Variants in KLF13 observed in about 807,000 individuals in gnomAD.
The protein encoded by KLF13 is Krueppel-like factor 13.
A neutral mutation model predicts 16.7 loss-of-function variants in KLF13; 8 were observed. The ratio of observed to expected loss-of-function variants is 0.48; its 90% CI spans 0.28 to 0.87. The LOEUF (loss-of-function observed/expected upper bound fraction) is 0.87, where lower values mean the gene tolerates loss of function less well. Ranked by LOEUF, KLF13 falls within the 40% of genes least tolerant of loss-of-function variation. The pLI is 0.10. For synonymous variants in KLF13, 245 were observed against 208.4 expected, an observed-to-expected ratio of 1.18 and a Z score of -1.51; for missense variants, 447 against 452.2, an observed-to-expected ratio of 0.99 and a Z score of 0.10.
chr15:31,379,768 A>G (rs911710382), downstream of KLF13, among the ~76,000 whole-genome samples: 5 of 152,192 alleles, frequency 3.3e-5, no homozygotes, highest in Non-Finnish European at 5.9e-5. Flanking sequence ...CTGAGCAGAG[A>G]TGACAGTGTC....
chr15:31,356,032 C>T (rs929425097), intron 1 of KLF13, among the ~76,000 whole-genome samples: 24 of 152,022 alleles, frequency 1.6e-4, no homozygotes, highest in African/African-American at 5.3e-4. Context: ...TTTTTCCTTT[C>T]CTTCTGACTT....
chr15:31,328,143 G>T (rs1205436679), intron 1 of KLF13, among the ~76,000 whole-genome samples: 1 of 149,758 alleles, frequency 6.7e-6, no homozygotes, highest in African/African-American at 2.5e-5. Context: ...CCTGGGTGTG[G>T]ACCGCAGGCG....
intron 1 of KLF13, among the ~76,000 whole-genome samples, chr15:31,350,067 G>C (rs1353932345): frequency 6.6e-6 from 1 of 152,270 alleles, no homozygotes; most frequent in South Asian, 2.1e-4. Flanking sequence ...TCTCCATTGA[G>C]TGAAGCCCTA....
chr15:31,378,632 C>T (rs938097658), downstream of KLF13, among the ~76,000 whole-genome samples: 2 of 152,068 alleles, frequency 1.3e-5, no homozygotes, highest in African/African-American at 2.4e-5. Flanking sequence ...GGTGCAGCCA[C>T]ATCTCAGCCT....
At chr15:31,331,124 A>T (rs904945629) in intron 1 of KLF13, among the ~76,000 whole-genome samples, 6 of 152,168 alleles carry the variant, frequency 3.9e-5, no homozygotes, top group African/African-American at 1.4e-4. Flanking sequence ...ATTTGTTCCC[A>T]CAGAGAATTG....
chr15:31,367,834 G>A (rs916686527), intron 1 of KLF13, among the ~76,000 whole-genome samples: 2 of 152,198 alleles, frequency 1.3e-5, no homozygotes, highest in African/African-American at 2.4e-5. Context: ...GCATGAGGAC[G>A]GGGCAGTGTG....
chr15:31,380,443 C>CA (rs2039709895), downstream of KLF13, among the ~76,000 whole-genome samples: 1 of 152,184 alleles, frequency 6.6e-6, no homozygotes, highest in Admixed American at 6.5e-5. Context: ...GAAGGGGGCC[C>CA]AGTTAGCGTT....
chr15:31,372,071 G>A lies in KLF13; in HGVS notation c.639G>A (p.Glu213=), dbSNP rs138897299. Residue 213 remains glutamate (E), a synonymous_variant, in exon 2 of 2, where the codon GAG becomes GAA. Transcript: ENST00000307145. Reference sequence around the variant, plus strand: ...ACAAGAAGTTCGCGCGCTCCGACGAGCTGGCGCGGCACTACCGCACACACA... The same window carrying A: ...ACAAGAAGTTCGCGCGCTCCGACGAACTGGCGCGGCACTACCGCACACACA... The part of the protein sequence containing the change: ...DCNKKFARSD[E]LARHYRTHTG... 12 of 1,612,588 alleles carry A rather than the reference G, an allele frequency of 7.4e-6. No individual in the cohort carries two copies. The African/African-American group carries it at 1.6e-4, about 22-fold the overall frequency.
chr15:31,339,037 C>G (rs984060414), intron 1 of KLF13, among the ~76,000 whole-genome samples: 2 of 152,058 alleles, frequency 1.3e-5, no homozygotes, highest in African/African-American at 4.8e-5. Flanking sequence ...TTCCTTCTTC[C>G]GCCCTCTGGG....
intron 1 of KLF13, among the ~76,000 whole-genome samples, chr15:31,410,801 G>A (rs1235475344): frequency 6.6e-6 from 1 of 152,048 alleles, no homozygotes; most frequent in African/African-American, 2.4e-5. Context: ...AGGGAAAAAT[G>A]AACAAATACA....
At chr15:31,371,736 T>C (rs1454595400) in intron 1 of KLF13, among the ~76,000 whole-genome samples, 4 of 152,210 alleles carry the variant, frequency 2.6e-5, no homozygotes, top group Non-Finnish European at 5.9e-5. Context: ...CCTGGGGCCC[T>C]GACCTGTACC....
chr15:31,344,546 C>T lies in KLF13; in HGVS notation c.577+16757C>T, dbSNP rs2039081764. Among the ~76,000 whole-genome samples, 4 of 152,354 alleles carry T rather than the reference C, an allele frequency of 2.6e-5. No individual in the cohort carries two copies. The South Asian group carries it at 8.3e-4, about 32-fold the overall frequency. ...GCTGGCCCATGGCGAAAGGGTTCACCTGCTGCTTAGGAGCTGAGACTGGGC... is the reference window on the plus strand; with the variant it reads ...GCTGGCCCATGGCGAAAGGGTTCACTTGCTGCTTAGGAGCTGAGACTGGGC... On this transcript the variant is annotated intron_variant, in intron 1 of 1. Coordinates refer to ENST00000307145, the MANE Select transcript of KLF13 (RefSeq NM_015995.4).
At chr15:31,370,692 T>C (rs2039544227) in intron 1 of KLF13, among the ~76,000 whole-genome samples, 1 of 152,234 alleles carries the variant, frequency 6.6e-6, no homozygotes, top group Non-Finnish European at 1.5e-5. Flanking sequence ...GTGCTGAGAT[T>C]ATAGGCATGA....
chr15:31,371,896 C>A, intron 1 of KLF13, 114 bp from the exon 2 acceptor site: 1 of 1,168,444 alleles, frequency 8.6e-7, no homozygotes, highest in Non-Finnish European at 1.2e-6. Flanking sequence ...GGAGGTGGGG[C>A]ATGTGGGAGG....
At chr15:31,346,503 G>A (rs893065) in intron 1 of KLF13, among the ~76,000 whole-genome samples, 2 of 152,104 alleles carry the variant, frequency 1.3e-5, no homozygotes, top group Non-Finnish European at 2.9e-5. Flanking sequence ...CCAGGCAGGA[G>A]CTCCTCCCCG....
At chr15:31,333,883 C>G (rs2038879997) in intron 1 of KLF13, among the ~76,000 whole-genome samples, 1 of 152,160 alleles carries the variant, frequency 6.6e-6, no homozygotes, top group Admixed American at 6.5e-5. Flanking sequence ...TTCCCGTGAT[C>G]AGGTCTGGTT....
chr15:31,342,856 TC>T (rs2039051162), intron 1 of KLF13, among the ~76,000 whole-genome samples: 1 of 152,210 alleles, frequency 6.6e-6, no homozygotes, highest in Non-Finnish European at 1.5e-5. Flanking sequence ...ATTTCCGTCT[TC>T]CTGTGAGTGT....
At chr15:31,363,168 A>G (rs564189820) in intron 1 of KLF13, among the ~76,000 whole-genome samples, 4 of 152,376 alleles carry the variant, frequency 2.6e-5, no homozygotes, top group Admixed American at 6.5e-5. Flanking sequence ...GCTTACCTGC[A>G]GCCTCACCAA....
chr15:31,327,619 A>G lies in KLF13; in HGVS notation c.407A>G (p.Glu136Gly). ...GAGGCGGGGCTGGAGCCCGAGCGGG[A>G]GCCGGGGCCCGCGGGGAGCGGCGAG... ...EPEAGLEPER[E>G]PGPAGSGEPG... The change falls in exon 1 of 2, where the codon GAG becomes GGG. Residue 136 changes from glutamate to glycine, a missense_variant. Physicochemically the swap from Glu to Gly is moderately conservative, Grantham distance 98. Transcript: ENST00000307145. 8 of 1,336,518 alleles carry G rather than the reference A, an allele frequency of 6.0e-6. No homozygotes were observed. Among genetic ancestry groups the G allele is most frequent in the Non-Finnish European group, 7.8e-6 (8 of 1,028,240 alleles). The allele number at this position is 1,336,518 out of a possible 1,614,324, so 82.8% of individuals were successfully genotyped here. A position where few individuals can be genotyped will look rare whatever the true frequency, so the allele number is the denominator to read the frequency against.
Sources: allele counts gnomAD v4.1 joint callset (sites outside exome capture counted in the v4.1 genomes callset), GRCh38; gene constraint gnomAD v4.1.1; transcripts MANE v1.5; gene names NCBI Gene and HGNC (gene_info 2026-07-23, HGNC 2026-07-21).